Variants in ZNF493 observed in about 807,000 individuals in gnomAD.
The protein encoded by ZNF493 is zinc finger protein 493.
Under a neutral mutation model 12.2 loss-of-function variants are expected in ZNF493, and 11 were observed. The observed-to-expected ratio is 0.90, with a 90% CI of 0.57 to 1.50. ZNF493 has a LOEUF of 1.50. Among genes scored for constraint, ZNF493 ranks in the 40% most tolerant of loss-of-function variants. The pLI is 0.00. For missense variants in ZNF493, 950 were observed against 906.6 expected, an observed-to-expected ratio of 1.05 and a Z score of -0.61; for synonymous variants, 286 against 302.6, an observed-to-expected ratio of 0.95 and a Z score of 0.57.
At chr19:21,407,632 TAAGTGTGTAGAAC>T (rs2145275998) in intron 3 of ZNF493, 1 of 979,116 alleles carries the variant, frequency 1.0e-6, no homozygotes, top group South Asian at 4.7e-5. Flanking sequence ...TAGCTTGTTT[TAAGTGTGTAGAAC>T]AATAACTTAC....
Position 21,405,833 on chromosome 19 carries a change from A to G in ZNF493, c.230A>G (p.His77Arg), listed in dbSNP as rs2030102357. ...QGKDPWNMKG[H>R]STVVKPPVIC... ...AAAGATCCCTGGAATATGAAGGGAC[A>G]CAGTACGGTAGTCAAACCCCCAGGT... Residue 77 changes from histidine (H) to arginine (R), a missense_variant, in exon 3 of 4, where the codon CAC becomes CGC. Coordinates refer to ENST00000392288, the MANE Select transcript of ZNF493 (RefSeq NM_001076678.3). 2 of 1,590,494 alleles carry G rather than the reference A, an allele frequency of 1.3e-6. No homozygotes were observed. The highest frequency in any genetic ancestry group is 1.7e-6 in the Non-Finnish European group (2 of 1,166,442).
chr19:21,401,273 A>G (rs2145262645), intron 1 of ZNF493, among the ~76,000 whole-genome samples: 1 of 152,224 alleles, frequency 6.6e-6, no homozygotes, highest in African/African-American at 2.4e-5. Flanking sequence ...TTGCATGTTG[A>G]ACCAACCTTT....
chr19:21,408,050 G>T (rs1229872130), intron 3 of ZNF493: 3 of 984,204 alleles, frequency 3.0e-6, no homozygotes, highest in Non-Finnish European at 3.6e-6. Flanking sequence ...AAGGCTGCTG[G>T]TTCTACATTA....
At chr19:21,405,311 G>T in intron 2 of ZNF493, 56 bp downstream of exon 2, 1 of 1,557,342 alleles carries the variant, frequency 6.4e-7, no homozygotes, top group South Asian at 1.2e-5. Flanking sequence ...TCATTTCTCT[G>T]TTTTCATAGA....
intron 3 of ZNF493, chr19:21,413,709 C>A (rs1169688029): frequency 2.6e-6 from 1 of 381,038 alleles, no homozygotes; most frequent in African/African-American, 2.1e-5. Flanking sequence ...CAAGCATAAT[C>A]TCTACCCCAA....
intron 1 of ZNF493, among the ~76,000 whole-genome samples, chr19:21,400,115 C>T (rs1005952398): frequency 1.3e-4 from 20 of 151,924 alleles, no homozygotes; most frequent in East Asian, 1.2e-3. Context: ...TTAAGGTATA[C>T]AATATAAGCA....
chr19:21,414,006 T>G (rs1442834134), intron 3 of ZNF493: 5 of 111,740 alleles, frequency 4.5e-5, no homozygotes, highest in African/African-American at 1.9e-4. Flanking sequence ...ATACCGGTAA[T>G]GTGTTTAATA....
At chr19:21,408,921 C>T (rs553721349) in intron 3 of ZNF493, 23 of 693,168 alleles carry the variant, frequency 3.3e-5, no homozygotes, top group South Asian at 2.0e-4. Flanking sequence ...CTCGCTCTGT[C>T]GCCCAGGCTG....
chr19:21,423,545 G>A lies in ZNF493; in HGVS notation c.886G>A (p.Glu296Lys). The A allele has an allele frequency of 6.2e-7, 1 of 1,613,504 alleles. No individual in the cohort carries two copies. The highest frequency in any genetic ancestry group is 8.5e-7 in the Non-Finnish European group (1 of 1,179,780). Residue 296 changes from glutamate to lysine, a missense_variant, in exon 4 of 4, where the codon GAA becomes AAA. Coordinates refer to ENST00000392288, the MANE Select transcript of ZNF493 (RefSeq NM_001076678.3). ...TACTAGAGAGAAACCCTATAAATGT[G>A]AACAATATGGCAAAACTTTTAACCA... Reference protein sequence around the residue: ...IHTREKPYKCEQYGKTFNQSS... With the variant: ...IHTREKPYKCKQYGKTFNQSS...
intron 3 of ZNF493, chr19:21,414,547 C>T (rs1007938344): frequency 1.3e-5 from 2 of 152,190 alleles, no homozygotes; most frequent in Non-Finnish European, 2.9e-5. Context: ...ATGCATTGTA[C>T]TCCTAACTGC....
Position 21,425,041 on chromosome 19 carries a change from C to A in ZNF493, c.*57C>A. ...TCCCTTACTAAAGAATGTGGCAAAG[C>A]TTTTCACCAGTACTTTACCCTTAAT... is the stretch of plus-strand genomic sequence containing the variant. On this transcript the variant is annotated 3_prime_UTR_variant, in exon 4 of 4. Transcript: ENST00000392288. The A allele has an allele frequency of 1.3e-6, 2 of 1,549,664 alleles. No individual in the cohort carries two copies. Among genetic ancestry groups the A allele is most frequent in the East Asian group, 2.3e-5 (1 of 44,318 alleles).
intron 1 of ZNF493, chr19:21,397,562 C>T: frequency 7.0e-6 from 4 of 573,814 alleles, no homozygotes; most frequent in East Asian, 2.8e-5. Flanking sequence ...GCGGGGACCA[C>T]GGGAGGGTCA....
intron 3 of ZNF493, chr19:21,414,743 G>A (rs962149337): frequency 1.3e-5 from 2 of 152,082 alleles, no homozygotes; most frequent in Admixed American, 1.3e-4. Context: ...GAAGTATAGG[G>A]CGTCTGGAAA....
Position 21,426,993 on chromosome 19 carries a change from T to G in ZNF493, c.*2009T>G. 6.0e-6 allele frequency: 1 copy of G among 167,184 alleles called. No homozygotes were observed. The allele number at this position is 167,184 out of a possible 1,614,324, so 10.4% of individuals were successfully genotyped here. On this transcript the variant is annotated 3_prime_UTR_variant, in exon 4 of 4. Coordinates refer to ENST00000392288, the MANE Select transcript of ZNF493 (RefSeq NM_001076678.3). ...TACAGATTTTTTGAAAAGCAAATGA[T>G]GTAACTCAACTCATTATTTTCTGCT...
intron 3 of ZNF493, chr19:21,408,097 G>A (rs995031897): frequency 1.0e-6 from 1 of 979,300 alleles, no homozygotes; most frequent in Non-Finnish European, 1.2e-6. Flanking sequence ...AAGAGGCTTG[G>A]GTAGTTGTAC....
At chr19:21,416,065 C>T (rs1386095757) in intron 3 of ZNF493, among the ~76,000 whole-genome samples, 2 of 152,206 alleles carry the variant, frequency 1.3e-5, no homozygotes, top group Non-Finnish European at 2.9e-5. Context: ...ACTAATTTCT[C>T]TAAAGCCTCC....
At chr19:21,397,333 CT>C in intron 1 of ZNF493, 66 bp downstream of exon 1, 1 of 1,593,634 alleles carries the variant, frequency 6.3e-7, no homozygotes, top group East Asian at 2.2e-5. Flanking sequence ...TGGGAAGTGG[CT>C]GTGGCGGGAC....
rs931700107 is a variant in ZNF493 at position 21,423,526 on chromosome 19, A to G, written c.867A>G (p.Arg289=). Residue 289 remains arginine (R), a synonymous_variant, in exon 4 of 4, where the codon AGA becomes AGG. Transcript: ENST00000392288. ...CTAGGCATAAGCTAATTCATACTAG[A>G]GAGAAACCCTATAAATGTGAACAAT... is the stretch of plus-strand genomic sequence containing the variant. ...YLTRHKLIHT[R]EKPYKCEQYG... 6 of 1,613,694 alleles carry G rather than the reference A, an allele frequency of 3.7e-6. No individual in the cohort carries two copies. In the East Asian group the frequency reaches 1.1e-4, roughly 30 times the overall value.
chr19:21,420,605 ATATATATATATATATATATTTT>A (rs2030631966), intron 3 of ZNF493, among the ~76,000 whole-genome samples: 1 of 7,902 alleles, frequency 1.3e-4, no homozygotes, highest in Non-Finnish European at 2.2e-4. Context: ...ATATATATAT[ATATATATATATATATATATTTT>A]TTTTTTTTTT....
Sources: allele counts gnomAD v4.1 joint callset (sites outside exome capture counted in the v4.1 genomes callset), GRCh38; gene constraint gnomAD v4.1.1; transcripts MANE v1.5; gene names NCBI Gene and HGNC (gene_info 2026-07-23, HGNC 2026-07-21).